Variants in ARMC8 observed in about 807,000 individuals in gnomAD.
ARMC8 encodes the protein armadillo repeat containing 8.
In ARMC8, 20 loss-of-function variants were observed where a neutral mutation model predicts 99.3. That is an observed-to-expected ratio of 0.20 (90% CI 0.14 to 0.29). The LOEUF (loss-of-function observed/expected upper bound fraction) is 0.29, where lower values mean the gene tolerates loss of function less well. ARMC8 is among the 10% of genes least tolerant of loss of function. ARMC8 has a pLI of 1.00. For missense variants in ARMC8, 569 were observed against 809.5 expected, an observed-to-expected ratio of 0.70 and a Z score of 3.60; for synonymous variants, 263 against 278.3, an observed-to-expected ratio of 0.95 and a Z score of 0.55.
intron 7 of ARMC8, among the ~76,000 whole-genome samples, chr3:138,236,431 A>T (rs899245971): frequency 6.6e-6 from 1 of 152,144 alleles, no homozygotes; most frequent in African/African-American, 2.4e-5. Context: ...TCTTTTCTGC[A>T]CTAGACTTCC....
chr3:138,250,572 C>T (rs79460644), intron 12 of ARMC8, among the ~76,000 whole-genome samples: 28 of 152,068 alleles, frequency 1.8e-4, no homozygotes, highest in South Asian at 1.0e-3. Flanking sequence ...TCATAGCATG[C>T]CCTCCAAAGT....
rs1198587625 is a variant in ARMC8, at chr3:138,223,395, G to A, written c.201G>A (p.Leu67=). Reference sequence around the variant, plus strand: ...TTAAGTTCCTTCTTTTTAGATTGTTGTACTTGCTTCAGCAAGAAACCTCAA... The same window carrying A: ...TTAAGTTCCTTCTTTTTAGATTGTTATACTTGCTTCAGCAAGAAACCTCAA... ...LIVLGAVPRL[L]YLLQQETSST... is the part of the protein sequence containing the mutation. Residue 67 remains leucine (L), a synonymous_variant, in exon 4 of 22, where the codon TTG becomes TTA. Coordinates refer to ENST00000469044, the MANE Select transcript of ARMC8 (RefSeq NM_001363941.2). 6.2e-7 allele frequency: 1 copy of A among 1,613,444 alleles called. No individual in the cohort carries two copies. The highest frequency in any genetic ancestry group is 1.3e-5 in the African/African-American group (1 of 74,796).
chr3:138,290,417 G>A, intron 20 of ARMC8, 129 bp from the exon 21 acceptor site: 1 of 670,562 alleles, frequency 1.5e-6, no homozygotes, highest in Admixed American at 2.6e-5. Context: ...ATTGGGAGAG[G>A]GTAGAGGACA....
chr3:138,213,261 C>G (rs1259033138), intron 2 of ARMC8, among the ~76,000 whole-genome samples: 1 of 152,212 alleles, frequency 6.6e-6, no homozygotes, highest in Non-Finnish European at 1.5e-5. Flanking sequence ...GTAGATAGCT[C>G]ACATCACAGT....
intron 13 of ARMC8, 143 bp downstream of exon 13, chr3:138,263,964 C>A: frequency 1.0e-6 from 1 of 970,102 alleles, no homozygotes; most frequent in Non-Finnish European, 1.6e-6. Context: ...ATAACATTGT[C>A]TAACAGAGAG....
chr3:138,203,219 C>A (rs1480939477), intron 1 of ARMC8, among the ~76,000 whole-genome samples: 4 of 152,220 alleles, frequency 2.6e-5, no homozygotes, highest in Admixed American at 6.5e-5. Context: ...ATGATGCCCT[C>A]TTTCACTCTT....
chr3:138,271,798 C>G (rs9681837), intron 16 of ARMC8, among the ~76,000 whole-genome samples: 1 of 136,134 alleles, frequency 7.3e-6, no homozygotes, highest in Non-Finnish European at 1.6e-5. Flanking sequence ...TTTTTTCTTT[C>G]TTTTTTTTTT....
At position 138,290,636 on chromosome 3, in the gene ARMC8, A is replaced by C; in HGVS notation, c.1985A>C (p.Asp662Ala). 1 of 1,594,126 alleles carries C rather than the reference A, an allele frequency of 6.3e-7. No individual in the cohort carries two copies. The highest frequency in any genetic ancestry group is 1.3e-5 in the African/African-American group (1 of 74,832). The change falls in exon 21 of 22, where the codon GAC (aspartate) becomes GCC (alanine). Residue 662 changes from aspartate to alanine, a missense_variant. This residue lies in a region of ARMC8 where 227 missense variants were observed against 417.9 expected (regional missense o/e 0.54). Coordinates refer to ENST00000469044, the MANE Select transcript of ARMC8 (RefSeq NM_001363941.2). Reference protein sequence around the residue: ...LSQSPDSNLCDKAKMALQQYL... With the variant: ...LSQSPDSNLCAKAKMALQQYL... ...CAGTCACCAGATTCAAACCTTTGTG[A>C]CAAGTGAGTATGAATGTGAAAAGGC... is the stretch of plus-strand genomic sequence containing the variant.
At chr3:138,269,228 T>A (rs186542179) in intron 15 of ARMC8, among the ~76,000 whole-genome samples, 169 of 152,356 alleles carry the variant, frequency 1.1e-3, no homozygotes, top group African/African-American at 4.0e-3. Flanking sequence ...AGTTGAGAAA[T>A]GTATACCCCT....
intron 19 of ARMC8, among the ~76,000 whole-genome samples, chr3:138,286,704 G>A (rs966514028): frequency 4.6e-5 from 7 of 152,022 alleles, no homozygotes; most frequent in African/African-American, 1.7e-4. Context: ...TAAGATCACT[G>A]GGTGGTTCTT....
intron 18 of ARMC8, among the ~76,000 whole-genome samples, chr3:138,283,399 C>G (rs2050123333): frequency 6.6e-6 from 1 of 152,234 alleles, no homozygotes; most frequent in South Asian, 2.1e-4. Flanking sequence ...AGGACTGTGT[C>G]ACTTCCTCCG....
Position 138,289,090 on chromosome 3 carries a change from A to G in ARMC8, c.1864A>G (p.Ile622Val), listed in dbSNP as rs1577045658. The change falls in exon 20 of 22, where the codon ATA becomes GTA. Residue 622 changes from isoleucine to valine, a missense_variant. Physicochemically the swap from Ile to Val is conservative, Grantham distance 29 (BLOSUM62 3). Around this residue, in one of 2 missense-constraint regions of ARMC8, gnomAD observed 227 missense variants for 417.9 expected, o/e 0.54. Transcript: ENST00000469044. ...ACTGCAGCTTGCAGCCATGTTTTGT[A>G]TATCAAACCTCATATGGAATGAAGA... is the stretch of plus-strand genomic sequence containing the variant. ...VKLQLAAMFC[I>V]SNLIWNEEEG... 1.2e-6 allele frequency: 2 copies of G among 1,613,346 alleles called. No individual in the cohort carries two copies. The highest frequency in any genetic ancestry group is 1.1e-5 in the South Asian group (1 of 91,010).
chr3:138,296,010 T>C lies in ARMC8; in HGVS notation c.*118T>C. 1 of 1,085,152 alleles carries C rather than the reference T, an allele frequency of 9.2e-7. No individual in the cohort carries two copies. The highest frequency in any genetic ancestry group is 1.3e-6 in the Non-Finnish European group (1 of 766,340). 67.2% of individuals were successfully genotyped at this position (1,085,152 alleles called of 1,614,324 possible). On this transcript the variant is annotated 3_prime_UTR_variant, in exon 22 of 22. Coordinates refer to ENST00000469044, the MANE Select transcript of ARMC8 (RefSeq NM_001363941.2). ...TCACCTTGGACTGCAGGGAGCTGTT[T>C]TGCAAAAGCAGTTTAGTAGGCTTAG...
At position 138,239,165 on chromosome 3, in the gene ARMC8, G is replaced by A. The variant is rs772937804; in HGVS notation, c.777-303G>A. The A allele has an allele frequency of 1.3e-4, 32 of 252,936 alleles. 1 individual carries two copies. Among genetic ancestry groups the A allele is most frequent in the Non-Finnish European group, 2.3e-4 (31 of 132,548 alleles). 15.7% of individuals were successfully genotyped at this position (252,936 alleles called of 1,614,324 possible). ...TTCTGAAGTATAAAGAATACAACAT[G>A]TGCCCAGCACCTAGCCTCAAAATGT... On this transcript the variant is annotated intron_variant, in intron 9 of 21. Coordinates refer to ENST00000469044, the MANE Select transcript of ARMC8 (RefSeq NM_001363941.2).
chr3:138,187,525 G>A lies in ARMC8; in HGVS notation c.-30G>A. 6.5e-7 allele frequency: 1 copy of A among 1,535,286 alleles called. No individual in the cohort carries two copies. The highest frequency in any genetic ancestry group is 8.7e-7 in the Non-Finnish European group (1 of 1,146,314). ...CGAAAGTGCCGGCCCCCGCGCCGGCGCCTGCAGCAGCCGGGTGGGAAGGCT... is the reference window on the plus strand; with the variant it reads ...CGAAAGTGCCGGCCCCCGCGCCGGCACCTGCAGCAGCCGGGTGGGAAGGCT... On this transcript the variant is annotated 5_prime_UTR_variant, in exon 1 of 22. Coordinates refer to ENST00000469044, the MANE Select transcript of ARMC8 (RefSeq NM_001363941.2).
rs1259175194 is a variant in ARMC8 at position 138,239,486 on chromosome 3, A to G, written c.795A>G (p.Arg265=). 6 of 1,603,398 alleles carry G rather than the reference A, an allele frequency of 3.7e-6. No individual in the cohort carries two copies. The highest frequency in any genetic ancestry group is 4.3e-6 in the Non-Finnish European group (5 of 1,175,790). ...TSAKCLTYMC[R]AGAIRTDDNC... ...ATTCCAGTTTAACTTACATGTGTAG[A>G]GCTGGAGCAATTCGGACAGATGATA... is the stretch of plus-strand genomic sequence containing the variant. Residue 265 remains arginine (R), a synonymous_variant, in exon 10 of 22, where the codon AGA becomes AGG. Coordinates refer to ENST00000469044, the MANE Select transcript of ARMC8 (RefSeq NM_001363941.2).
rs1490212756 is a variant in ARMC8 at position 138,293,996 on chromosome 3, C to G, written c.1989-1863C>G. On this transcript the variant is annotated intron_variant, in intron 21 of 21. Transcript: ENST00000469044. The stretch of plus-strand genomic sequence containing the variant: ...TCCATCTAAGAAAGGGTGATCTTGC[C>G]TCCAAAACCATTCTTCTAAAAAGAC... Among the ~76,000 whole-genome samples the G allele has an allele frequency of 2.6e-5, 4 of 152,114 alleles. No homozygotes were observed. In the East Asian group the frequency reaches 7.7e-4, roughly 29 times the overall value.
chr3:138,205,680 G>A (rs556356076), intron 1 of ARMC8, among the ~76,000 whole-genome samples: 53 of 152,080 alleles, frequency 3.5e-4, no homozygotes, highest in African/African-American at 9.6e-4. Flanking sequence ...GCTCACGCCT[G>A]TAATCCCAGC....
intron 1 of ARMC8, among the ~76,000 whole-genome samples, chr3:138,205,517 CTA>C (rs1198756966): frequency 6.6e-6 from 1 of 152,202 alleles, no homozygotes; most frequent in Non-Finnish European, 1.5e-5. Context: ...CTACCATCAT[CTA>C]TGAAATAATA....
Sources: gnomAD v4.1 joint callset for allele counts (sites outside exome capture counted in the v4.1 genomes callset) on GRCh38, gnomAD v4.1.1 for gene constraint, gnomAD v4.1.1 regional missense constraint, MANE v1.5 for transcripts, NCBI Gene and HGNC (gene_info 2026-07-23, HGNC 2026-07-21) for gene names.